CCDC150: variants seen among roughly 807,000 people sequenced by gnomAD.
CCDC150 encodes the protein coiled-coil domain containing 150, also known as coiled-coil domain-containing protein 150.
CCDC150 carries 151 observed loss-of-function variants against 156.5 expected under a neutral mutation model. The observed-to-expected ratio is 0.97, with a 90% CI of 0.85 to 1.10. The LOEUF is 1.10. CCDC150 is among the 50% of genes least tolerant of loss of function. The pLI is 0.00. For synonymous variants in CCDC150, 452 were observed against 429.4 expected (o/e 1.05, Z -0.65); for missense variants, 1,312 against 1,268.1 (o/e 1.03, Z -0.53).
Position 196,656,660 on chromosome 2 carries a change from A to G in CCDC150, c.204A>G (p.Leu68=), listed in dbSNP as rs1160618117. Residue 68 remains leucine (L), a synonymous_variant, in exon 3 of 28, where the codon TTA becomes TTG. Coordinates refer to ENST00000389175, the MANE Select transcript of CCDC150 (RefSeq NM_001080539.2). Reference sequence around the variant, plus strand: ...GCTATTTGGAAGCTCCAGACTGTTTAGAAGACCTGGACAGCCAGAAAGTCA... The same window carrying G: ...GCTATTTGGAAGCTCCAGACTGTTTGGAAGACCTGGACAGCCAGAAAGTCA... ...KRGYLEAPDC[L]EDLDSQKVIS... 1 of 1,611,706 alleles carries G rather than the reference A, an allele frequency of 6.2e-7. No homozygotes were observed. The highest frequency in any genetic ancestry group is 1.7e-5 in the Admixed American group (1 of 59,612).
intron 2 of CCDC150, among the ~76,000 whole-genome samples, chr2:196,655,054 A>G (rs1404329327): frequency 1.3e-5 from 2 of 152,208 alleles, no homozygotes; most frequent in African/African-American, 4.8e-5. Context: ...AGGGTGTTAG[A>G]TGCATGTTCC....
At chr2:196,692,249 C>T (rs887577899) in intron 13 of CCDC150, among the ~76,000 whole-genome samples, 7 of 150,274 alleles carry the variant, frequency 4.7e-5, no homozygotes, top group African/African-American at 1.2e-4. Flanking sequence ...ATTCTCCTGC[C>T]TCAGCCTCCC....
intron 13 of CCDC150, among the ~76,000 whole-genome samples, chr2:196,682,800 A>G (rs1475189432): frequency 1.3e-5 from 2 of 152,108 alleles, no homozygotes; most frequent in Non-Finnish European, 2.9e-5. Context: ...AGTGAGGACT[A>G]CTGTATAAGA....
intron 22 of CCDC150, chr2:196,728,085 A>C (rs1698316475): frequency 6.6e-6 from 1 of 152,074 alleles, no homozygotes; most frequent in African/African-American, 2.4e-5. Flanking sequence ...ACAGTGGAGA[A>C]CAGTGAGAGA....
At chr2:196,678,667 C>T (rs578172779) in intron 13 of CCDC150, among the ~76,000 whole-genome samples, 2 of 152,288 alleles carry the variant, frequency 1.3e-5, no homozygotes, top group African/African-American at 4.8e-5. Context: ...CGTTGGGAGG[C>T]TGAGGCAGGC....
chr2:196,663,933 T>A (rs1335091422), intron 5 of CCDC150, among the ~76,000 whole-genome samples: 19 of 152,066 alleles, frequency 1.2e-4, no homozygotes, highest in Admixed American at 1.2e-3. Flanking sequence ...TTGGAAAGGA[T>A]CTCTTTACCT....
intron 15 of CCDC150, among the ~76,000 whole-genome samples, chr2:196,708,875 C>G (rs1281999037): frequency 2.0e-5 from 3 of 152,186 alleles, no homozygotes; most frequent in Non-Finnish European, 4.4e-5. Flanking sequence ...GAGATCTGCT[C>G]TTAGTCTGAT....
chr2:196,718,327 A>G (rs1697663610), intron 17 of CCDC150, 176 bp from the exon 18 acceptor site: 1 of 422,820 alleles, frequency 2.4e-6, no homozygotes, highest in Non-Finnish European at 4.1e-6. Flanking sequence ...ATGTTTATTC[A>G]CACAGATATT....
chr2:196,692,510 T>A (rs1695551960), intron 13 of CCDC150, among the ~76,000 whole-genome samples: 1 of 152,238 alleles, frequency 6.6e-6, no homozygotes. Context: ...GTCCCAGAGA[T>A]TCAGGTATGT....
At chr2:196,669,976 A>G in intron 8 of CCDC150, 100 bp downstream of exon 8, 1 of 723,410 alleles carries the variant, frequency 1.4e-6, no homozygotes. Context: ...TACTCTCATC[A>G]AAGTTTTATT....
At chr2:196,687,086 CT>C (rs1695167876) in intron 13 of CCDC150, among the ~76,000 whole-genome samples, 1 of 152,082 alleles carries the variant, frequency 6.6e-6, no homozygotes, top group Non-Finnish European at 1.5e-5. Context: ...ATGCATGTAT[CT>C]TTATAATAGA....
intron 15 of CCDC150, among the ~76,000 whole-genome samples, chr2:196,711,455 A>AG (rs1181892793): frequency 1.3e-5 from 2 of 152,196 alleles, no homozygotes; most frequent in South Asian, 4.1e-4. Context: ...ATTTAGGGGT[A>AG]GGTTCGGTAA....
At chr2:196,683,470 T>C (rs996365998) in intron 13 of CCDC150, among the ~76,000 whole-genome samples, 2 of 152,128 alleles carry the variant, frequency 1.3e-5, no homozygotes, top group Admixed American at 6.5e-5. Flanking sequence ...TTCTGTAGTT[T>C]TATTTTCTTG....
At chr2:196,716,846 C>CTTTTTTTTTTT (rs775962426) in intron 17 of CCDC150, among the ~76,000 whole-genome samples, 1 of 74,370 alleles carries the variant, frequency 1.3e-5, no homozygotes, top group Non-Finnish European at 2.7e-5. Context: ...AAATAACATT[C>CTTTTTTTTTTT]TTTTTTTTTT....
At chr2:196,678,794 T>C (rs993217641) in intron 13 of CCDC150, among the ~76,000 whole-genome samples, 1 of 152,114 alleles carries the variant, frequency 6.6e-6, no homozygotes, top group African/African-American at 2.4e-5. Context: ...TAATCCCAGC[T>C]ACTCGGGTGA....
intron 13 of CCDC150, among the ~76,000 whole-genome samples, chr2:196,686,498 C>T (rs1199693170): frequency 6.6e-6 from 1 of 152,150 alleles, no homozygotes; most frequent in African/African-American, 2.4e-5. Context: ...GTTAACATCT[C>T]AGCAATATTG....
intron 21 of CCDC150, 61 bp downstream of exon 21, chr2:196,721,752 C>T: frequency 2.3e-6 from 3 of 1,317,298 alleles, no homozygotes; most frequent in Non-Finnish European, 3.1e-6. Context: ...AAGTCACATT[C>T]CCATAAATGG....
At chr2:196,705,159 C>T (rs907444365) in intron 15 of CCDC150, among the ~76,000 whole-genome samples, 2 of 152,228 alleles carry the variant, frequency 1.3e-5, no homozygotes, top group Non-Finnish European at 2.9e-5. Context: ...AACTAGTTTA[C>T]ACTTCCACCA....
At position 196,718,581 on chromosome 2, in the gene CCDC150, C is replaced by T. The variant is rs1697683269; in HGVS notation, c.1945C>T (p.Gln649Ter). Reference protein sequence around the residue: ...KCRNAALKESQKLKEDLEAVE... With the variant: ...KCRNAALKES ...TCGTAATGCGGCCCTGAAAGAGAGTCAGAAGTTGAAAGAAGACCTCGAGGC... is the reference window on the plus strand; with the variant it reads ...TCGTAATGCGGCCCTGAAAGAGAGTTAGAAGTTGAAAGAAGACCTCGAGGC... The change falls in exon 18 of 28, where the codon CAG (glutamine) becomes TAG (stop). Residue 649 changes from glutamine to a stop codon, truncating the protein, a stop_gained. Transcript: ENST00000389175. LOFTEE classifies it high-confidence loss of function. 6.2e-7 allele frequency: 1 copy of T among 1,613,532 alleles called. No individual in the cohort carries two copies. The highest frequency in any genetic ancestry group is 1.7e-5 in the Admixed American group (1 of 59,978).
Sources: gnomAD v4.1 joint callset for allele counts (sites outside exome capture counted in the v4.1 genomes callset) on GRCh38, gnomAD v4.1.1 for gene constraint, MANE v1.5 for transcripts, NCBI Gene and HGNC (gene_info 2026-07-23, HGNC 2026-07-21) for gene names.